Variants in FRMD3 observed in about 807,000 individuals in gnomAD.
FRMD3 encodes the protein FERM domain-containing protein 3.
FRMD3 carries 33 observed loss-of-function variants against 70.2 expected under a neutral mutation model. That is an observed-to-expected ratio of 0.47 (90% CI 0.36 to 0.63). FRMD3 has a LOEUF of 0.63. Among genes scored for constraint, FRMD3 ranks in the 20% least tolerant of loss-of-function variants. FRMD3 has a pLI of 0.00. For synonymous variants in FRMD3, 279 were observed against 255.9 expected (o/e 1.09, Z -0.86); for missense variants, 632 against 711.4 (o/e 0.89, Z 1.27).
intron 13 of FRMD3, chr9:83,266,984 G>A (rs1363845977): frequency 6.5e-7 from 1 of 1,547,618 alleles, no homozygotes; most frequent in South Asian, 1.2e-5. Flanking sequence ...TTCAGGAACA[G>A]GATGACAGCC....
chr9:83,430,587 A>T (rs563277244), intron 1 of FRMD3, among the ~76,000 whole-genome samples: 89 of 152,326 alleles, frequency 5.8e-4, no homozygotes, highest in African/African-American at 2.1e-3. Context: ...GATAAAAGAA[A>T]AACTTTTTTT....
chr9:83,427,866 C>T (rs1213574614), intron 1 of FRMD3, among the ~76,000 whole-genome samples: 1 of 152,128 alleles, frequency 6.6e-6, no homozygotes, highest in Non-Finnish European at 1.5e-5. Flanking sequence ...TATTCATGAG[C>T]TTGGCCAACT....
In FRMD3 at chr9:83,507,395, T is replaced by C. The variant is rs1246298126; in HGVS notation, c.147+30690A>G. On this transcript the variant is annotated intron_variant, in intron 1 of 13. Transcript: ENST00000304195. ...AAAAAAAAAAAAAAAAGGCTGGGTG[T>C]GGTGGCTCACGCCTGTAATCCCAGC... Among the ~76,000 whole-genome samples, 7 of 103,396 alleles carry C rather than the reference T, an allele frequency of 6.8e-5. No homozygotes were observed. The East Asian group carries it at 1.7e-3, about 25-fold the overall frequency. 67.8% of individuals were successfully genotyped at this position (103,396 alleles called of 152,430 possible). A position where few individuals can be genotyped will look rare whatever the true frequency, so the allele number is the denominator to read the frequency against.
At position 83,248,122 on chromosome 9, in the gene FRMD3, C is replaced by G. The variant is rs777257974; in HGVS notation, c.1590G>C (p.Arg530Ser). The G allele has an allele frequency of 1.2e-6, 2 of 1,614,132 alleles. No homozygotes were observed. The highest frequency in any genetic ancestry group is 1.1e-5 in the South Asian group (1 of 91,078). The change falls in exon 14 of 14, where the codon AGG (arginine) becomes AGC (serine). Residue 530 changes from arginine (R) to serine (S), a missense_variant. Physicochemically the swap from Arg to Ser is moderately radical, Grantham distance 110. This residue lies in a region of FRMD3 where 418 missense variants were observed against 442.1 expected (regional missense o/e 0.95). Coordinates refer to ENST00000304195, the MANE Select transcript of FRMD3 (RefSeq NM_174938.6). ...GCAGTCCCAGGCCCACCACAAGGAGCCTGGAAAAACTCTTGACCAGTGGGT... is the reference window on the plus strand; with the variant it reads ...GCAGTCCCAGGCCCACCACAAGGAGGCTGGAAAAACTCTTGACCAGTGGGT... ...RVNPLVKSFS[R>S]LLVVGLGLLL...
At chr9:83,516,292 A>G (rs1481438880) in intron 1 of FRMD3, among the ~76,000 whole-genome samples, 2 of 151,962 alleles carry the variant, frequency 1.3e-5, no homozygotes, top group Non-Finnish European at 2.9e-5. Flanking sequence ...AGCAAATAGA[A>G]AGAAAAAAAA....
At chr9:83,415,442 C>CTTTT (rs541899087) in intron 1 of FRMD3, among the ~76,000 whole-genome samples, 4 of 124,628 alleles carry the variant, frequency 3.2e-5, no homozygotes, top group Non-Finnish European at 3.4e-5. Flanking sequence ...AAAGGAAATT[C>CTTTT]TTTTTTTTTT....
At chr9:83,374,669 A>T (rs1353865326) in intron 2 of FRMD3, among the ~76,000 whole-genome samples, 2 of 152,226 alleles carry the variant, frequency 1.3e-5, no homozygotes, top group Non-Finnish European at 2.9e-5. Context: ...CGAGGATTTA[A>T]AAAGTTAACA....
chr9:83,251,215 G>C (rs900852494), intron 13 of FRMD3, among the ~76,000 whole-genome samples: 24 of 152,198 alleles, frequency 1.6e-4, no homozygotes, highest in African/African-American at 5.8e-4. Context: ...TACAGGGATA[G>C]AAGAAACTAA....
rs193221302 is a variant in FRMD3 at position 83,374,737 on chromosome 9, G to A, written c.253-1782C>T. ...ATACTCAATAAAATGATTGTTGGCC[G>A]ATGCAGTTCTTATTATTTAATAGGT... On this transcript the variant is annotated intron_variant, in intron 2 of 13. Transcript: ENST00000304195. Among the ~76,000 whole-genome samples the A allele has an allele frequency of 3.4e-3, 524 of 152,288 alleles. 3 individuals carry two copies. Among genetic ancestry groups the A allele is most frequent in the African/African-American group, 0.012 (502 of 41,564 alleles).
At chr9:83,323,731 G>T (rs1038664470) in intron 6 of FRMD3, among the ~76,000 whole-genome samples, 5 of 152,152 alleles carry the variant, frequency 3.3e-5, no homozygotes, top group Non-Finnish European at 5.9e-5. Flanking sequence ...AGAAAAAACA[G>T]GCTAAAATAC....
chr9:83,382,761 C>G (rs962123613), intron 2 of FRMD3, among the ~76,000 whole-genome samples: 1 of 151,952 alleles, frequency 6.6e-6, no homozygotes, highest in Non-Finnish European at 1.5e-5. Context: ...GATCTTTGTC[C>G]ATCTCCTTTG....
chr9:83,344,477 A>T (rs1823883459), intron 4 of FRMD3, among the ~76,000 whole-genome samples: 1 of 152,182 alleles, frequency 6.6e-6, no homozygotes, highest in Non-Finnish European at 1.5e-5. Context: ...GGACTGAGTA[A>T]AGCAGATGAC....
chr9:83,379,710 T>C (rs1266067516), intron 2 of FRMD3, among the ~76,000 whole-genome samples: 1 of 152,164 alleles, frequency 6.6e-6, no homozygotes, highest in Non-Finnish European at 1.5e-5. Flanking sequence ...GCCCTCAGTT[T>C]ACTGGAGTCC....
chr9:83,423,585 C>CTTTTTTTTTTTTTTTTT (rs869226126), intron 1 of FRMD3, among the ~76,000 whole-genome samples: 5 of 60,492 alleles, frequency 8.3e-5, no homozygotes, highest in Non-Finnish European at 1.2e-4. Flanking sequence ...AGCCCTGTTT[C>CTTTTTTTTTTTTTTTTT]TTTTTTTTTT....
intron 1 of FRMD3, among the ~76,000 whole-genome samples, chr9:83,465,710 T>TG (rs1341814576): frequency 6.6e-6 from 1 of 152,208 alleles, no homozygotes; most frequent in Non-Finnish European, 1.5e-5. Context: ...TGCTATACCC[T>TG]GCCAGCCAGC....
rs556508866 is a variant in FRMD3, at chr9:83,435,128, C to T, written c.148-45420G>A. Among the ~76,000 whole-genome samples the T allele has an allele frequency of 6.6e-5, 10 of 152,236 alleles. No homozygotes were observed. The South Asian group carries it at 1.0e-3, about 16-fold the overall frequency. On this transcript the variant is annotated intron_variant, in intron 1 of 13. Coordinates refer to ENST00000304195, the MANE Select transcript of FRMD3 (RefSeq NM_174938.6). ...ACAGGCGTGAGCCACCGTACCAGGC[C>T]GGAACCCCTTATTTAGTGTTCCTTG...
chr9:83,569,863 G>A, the FRMD3 span, among the ~76,000 whole-genome samples: 1 of 152,108 alleles, frequency 6.6e-6, no homozygotes, highest in Non-Finnish European at 1.5e-5. Flanking sequence ...AGCTTCAATT[G>A]TATTTCCCAG....
intron 1 of FRMD3, among the ~76,000 whole-genome samples, chr9:83,532,659 T>C (rs1288240215): frequency 2.0e-5 from 3 of 152,030 alleles, no homozygotes; most frequent in Admixed American, 6.5e-5. Context: ...ATAATTCCAT[T>C]CCTTCCATAA....
At chr9:83,282,100 T>C (rs1404187999) in intron 13 of FRMD3, among the ~76,000 whole-genome samples, 1 of 152,240 alleles carries the variant, frequency 6.6e-6, no homozygotes, top group Non-Finnish European at 1.5e-5. Flanking sequence ...AATGTGAGTA[T>C]AAGGATGTAA....
Sources: allele counts gnomAD v4.1 joint callset (sites outside exome capture counted in the v4.1 genomes callset), GRCh38; gene constraint gnomAD v4.1.1; regional missense constraint gnomAD v4.1.1; transcripts MANE v1.5; gene names NCBI Gene and HGNC (gene_info 2026-07-23, HGNC 2026-07-21).